The following FBXO8 variants were observed in gnomAD, a reference collection of about 807,000 sequenced individuals.
The protein encoded by FBXO8 is F-box only protein 8.
FBXO8 carries 15 observed loss-of-function variants against 33.4 expected under a neutral mutation model. The ratio of observed to expected loss-of-function variants is 0.45; its 90% CI spans 0.30 to 0.69. FBXO8 has a LOEUF of 0.69. Ranked by LOEUF, FBXO8 falls within the 30% of genes least tolerant of loss-of-function variation. The probability of loss-of-function intolerance (pLI) is 0.08; values close to 1 mark genes in which losing one functional copy is unlikely to be tolerated. For missense variants in FBXO8, 274 were observed against 380.3 expected (o/e 0.72, Z 2.32); for synonymous variants, 132 against 131.5 (o/e 1.00, Z -0.02).
rs1327934711 is a variant in FBXO8 at position 174,253,914 on chromosome 4, G to A, written c.456+5785C>T. ...ATATTTTGAGTTGTGGTAGCATCTT[G>A]CTATCAAGAGAGGGTGAAAGTCAAC... On this transcript the variant is annotated intron_variant, in intron 3 of 5. Coordinates refer to ENST00000393674, the MANE Select transcript of FBXO8 (RefSeq NM_012180.3). This position sits in a 1 kb window ranked among gnomAD's most constrained non-coding sequence, Gnocchi z 4.5. Among the ~76,000 whole-genome samples, 1 of 152,118 alleles carries A rather than the reference G, an allele frequency of 6.6e-6. No homozygotes were observed. The highest frequency in any genetic ancestry group is 2.4e-5 in the African/African-American group (1 of 41,426).
At position 174,283,652 on chromosome 4, in the gene FBXO8, G is replaced by C. The variant is rs1737207798; in HGVS notation, c.-251C>G. 2 of 379,698 alleles carry C rather than the reference G, an allele frequency of 5.3e-6. No homozygotes were observed. Among genetic ancestry groups the C allele is most frequent in the Non-Finnish European group, 9.3e-6 (2 of 214,854 alleles). The allele number at this position is 379,698 out of a possible 1,614,324, so 23.5% of individuals were successfully genotyped here. A position where few individuals can be genotyped will look rare whatever the true frequency, so the allele number is the denominator to read the frequency against. ...CAGAACTGCCGACTATCCCAATTTT[G>C]ACGTTTCCTATTGTTGCCGGAAGTG... On this transcript the variant is annotated 5_prime_UTR_variant, in exon 1 of 6. Transcript: ENST00000393674. This position sits in a 1 kb window ranked among gnomAD's most constrained non-coding sequence, Gnocchi z 6.7.
chr4:174,241,645 T>G lies in FBXO8; in HGVS notation c.457-427A>C, dbSNP rs1013528489. Among the ~76,000 whole-genome samples, 3 of 149,312 alleles carry G rather than the reference T, an allele frequency of 2.0e-5. No homozygotes were observed. On this transcript the variant is annotated intron_variant, in intron 3 of 5. Transcript: ENST00000393674. This position sits in a 1 kb window ranked among gnomAD's most constrained non-coding sequence, Gnocchi z 4.2. Reference sequence around the variant, plus strand: ...GCAGTATGCCTTTCAAGGAAAGAGCTTCTTGATAAAAAAATGCTCCAAATG... The same window carrying G: ...GCAGTATGCCTTTCAAGGAAAGAGCGTCTTGATAAAAAAATGCTCCAAATG...
In FBXO8 at chr4:174,253,275, C is replaced by G. The variant is rs2126426610; in HGVS notation, c.456+6424G>C. 6.6e-6 allele frequency among the ~76,000 whole-genome samples: 1 copy of G among 152,326 alleles called. No homozygotes were observed. The highest frequency in any genetic ancestry group is 1.9e-4 in the East Asian group (1 of 5,170). ...CACTAGAAGGAACCCCAAGACATCT[C>G]TTGAGTTCCACCTATATCCTTTTCT... On this transcript the variant is annotated intron_variant, in intron 3 of 5. Transcript: ENST00000393674. The surrounding 1 kb of genome is among the most constrained non-coding windows in gnomAD (Gnocchi z 4.5).
In FBXO8 at chr4:174,261,656, A is replaced by T. The variant is rs1305098810; in HGVS notation, c.329+1108T>A. Among the ~76,000 whole-genome samples the T allele has an allele frequency of 6.6e-6, 1 of 152,010 alleles. No homozygotes were observed. Among genetic ancestry groups the T allele is most frequent in the Non-Finnish European group, 1.5e-5 (1 of 67,900 alleles). On this transcript the variant is annotated intron_variant, in intron 2 of 5. Coordinates refer to ENST00000393674, the MANE Select transcript of FBXO8 (RefSeq NM_012180.3). This position sits in a 1 kb window ranked among gnomAD's most constrained non-coding sequence, Gnocchi z 4.1. Reference sequence around the variant, plus strand: ...GTACTTTCACTATGTCAAACAAATGAGTAAAAGAATAACAAGATATGATAT... The same window carrying T: ...GTACTTTCACTATGTCAAACAAATGTGTAAAAGAATAACAAGATATGATAT...
chr4:174,242,312 T>C (rs1459446922), intron 3 of FBXO8, among the ~76,000 whole-genome samples: 1 of 151,610 alleles, frequency 6.6e-6, no homozygotes, highest in Non-Finnish European at 1.5e-5. Flanking sequence ...AGAATATCTA[T>C]AAAAACCTTT....
chr4:174,271,904 T>C (rs1382241832), intron 1 of FBXO8, among the ~76,000 whole-genome samples: 1 of 152,198 alleles, frequency 6.6e-6, no homozygotes, highest in Non-Finnish European at 1.5e-5. Context: ...TTGGGGGATT[T>C]ACCTATAGGA....
In FBXO8 at chr4:174,259,337, C is replaced by G. The variant is rs555511759; in HGVS notation, c.456+362G>C. On this transcript the variant is annotated intron_variant, in intron 3 of 5. Transcript: ENST00000393674. This position sits in a 1 kb window ranked among gnomAD's most constrained non-coding sequence, Gnocchi z 4.3. ...AAGTAACATCACTACTAAGGAAAAA[C>G]AATAAACAGAAAAAAACTGCTGCAG... Among the ~76,000 whole-genome samples the G allele has an allele frequency of 2.0e-5, 3 of 151,898 alleles. No homozygotes were observed. Among genetic ancestry groups the G allele is most frequent in the Non-Finnish European group, 4.4e-5 (3 of 67,908 alleles).
At position 174,267,640 on chromosome 4, in the gene FBXO8, C is replaced by T. The variant is rs958242860; in HGVS notation, c.-8-4540G>A. Among the ~76,000 whole-genome samples, 2 of 152,088 alleles carry T rather than the reference C, an allele frequency of 1.3e-5. No homozygotes were observed. Among genetic ancestry groups the T allele is most frequent in the African/African-American group, 4.8e-5 (2 of 41,410 alleles). ...ATATGATGCAGTTTCATGCGGGGTT[C>T]GTCCATGATTTCAAACTCTTGAAAA... On this transcript the variant is annotated intron_variant, in intron 1 of 5. Coordinates refer to ENST00000393674, the MANE Select transcript of FBXO8 (RefSeq NM_012180.3). This position sits in a 1 kb window ranked among gnomAD's most constrained non-coding sequence, Gnocchi z 4.7.
rs769264673 is a variant in FBXO8, at chr4:174,278,658, T to C, written c.-9+4752A>G. Among the ~76,000 whole-genome samples the C allele has an allele frequency of 5.3e-5, 8 of 152,126 alleles. No individual in the cohort carries two copies. Among genetic ancestry groups the C allele is most frequent in the Non-Finnish European group, 1.2e-4 (8 of 67,956 alleles). ...TGGCTGTAATCAGCTGTAGTCATGG[T>C]AGCATATCCTAACCCACCTTCTCAG... On this transcript the variant is annotated intron_variant, in intron 1 of 5. Transcript: ENST00000393674. This position sits in a 1 kb window ranked among gnomAD's most constrained non-coding sequence, Gnocchi z 4.1.
At chr4:174,269,628 C>A (rs567466609) in intron 1 of FBXO8, among the ~76,000 whole-genome samples, 1 of 148,920 alleles carries the variant, frequency 6.7e-6, no homozygotes, top group Admixed American at 6.8e-5. Flanking sequence ...GAGGTTGCAC[C>A]GAGCCGAGAA....
rs769413153 is a variant in FBXO8 at position 174,256,114 on chromosome 4, C to A, written c.456+3585G>T. ...TGGTTACCCATATCCGTGACATGAA[C>A]GGTGTCCTTTGGAGAATCTTGTTCC... On this transcript the variant is annotated intron_variant, in intron 3 of 5. Coordinates refer to ENST00000393674, the MANE Select transcript of FBXO8 (RefSeq NM_012180.3). This position sits in a 1 kb window ranked among gnomAD's most constrained non-coding sequence, Gnocchi z 4.6. The A allele has an allele frequency of 3.7e-5, 17 of 456,124 alleles. No individual in the cohort carries two copies. Among genetic ancestry groups the A allele is most frequent in the Middle Eastern group, 6.5e-4 (2 of 3,074 alleles). 28.3% of individuals were successfully genotyped at this position (456,124 alleles called of 1,614,324 possible). A position where few individuals can be genotyped will look rare whatever the true frequency, so the allele number is the denominator to read the frequency against.
chr4:174,277,003 CT>C lies in FBXO8; in HGVS notation c.-9+6406del, dbSNP rs1736975663. On this transcript the variant is annotated intron_variant, in intron 1 of 5. Transcript: ENST00000393674. The surrounding 1 kb of genome is among the most constrained non-coding windows in gnomAD (Gnocchi z 4.9). ...AAGCAGTATGTAGTTTCTGAAACAG[CT>C]ATATTGTTCTGACATAATTTTGGAT... Among the ~76,000 whole-genome samples, 1 of 152,112 alleles carries C rather than the reference CT, an allele frequency of 6.6e-6. No individual in the cohort carries two copies. The highest frequency in any genetic ancestry group is 1.5e-5 in the Non-Finnish European group (1 of 68,006).
intron 3 of FBXO8, among the ~76,000 whole-genome samples, chr4:174,250,340 C>G (rs1736258171): frequency 6.6e-6 from 1 of 151,912 alleles, no homozygotes. Flanking sequence ...TATAATTCAA[C>G]CAAGGGAAAA....
Position 174,265,826 on chromosome 4 carries a change from AAAAGT to A in FBXO8, c.-8-2731_-8-2727del, listed in dbSNP as rs1267118157. Among the ~76,000 whole-genome samples, 1 of 152,190 alleles carries A rather than the reference AAAAGT, an allele frequency of 6.6e-6. No homozygotes were observed. The highest frequency in any genetic ancestry group is 1.5e-5 in the Non-Finnish European group (1 of 68,026). On this transcript the variant is annotated intron_variant, in intron 1 of 5. Coordinates refer to ENST00000393674, the MANE Select transcript of FBXO8 (RefSeq NM_012180.3). This position sits in a 1 kb window ranked among gnomAD's most constrained non-coding sequence, Gnocchi z 4.7. ...CATTTTAAGTCTACTAATCATAAAGAAAAGTATTTTATTTTCACCATTGCTATTCC... is the reference window on the plus strand; with the variant it reads ...CATTTTAAGTCTACTAATCATAAAGAATTTTATTTTCACCATTGCTATTCC...
chr4:174,237,671 G>A lies in FBXO8; in HGVS notation c.773-72C>T. ...TATGATTCCAATGGCATTATATAAG[G>A]CAAAAATGTTCATAATTTCAAGATA... On this transcript the variant is annotated intron_variant, in intron 5 of 5. Transcript: ENST00000393674. The surrounding 1 kb of genome is among the most constrained non-coding windows in gnomAD (Gnocchi z 4.4). 8.1e-7 allele frequency: 1 copy of A among 1,240,772 alleles called. No homozygotes were observed. The highest frequency in any genetic ancestry group is 1.5e-5 in the South Asian group (1 of 64,612). 76.9% of individuals were successfully genotyped at this position (1,240,772 alleles called of 1,614,324 possible).
At chr4:174,282,872 C>T (rs1022862103) in intron 1 of FBXO8, among the ~76,000 whole-genome samples, 1 of 152,094 alleles carries the variant, frequency 6.6e-6, no homozygotes, top group African/African-American at 2.4e-5. Flanking sequence ...TATTGAGAAC[C>T]TTCTACGTAA....
chr4:174,248,939 T>C (rs1450922606), intron 3 of FBXO8, among the ~76,000 whole-genome samples: 1 of 152,012 alleles, frequency 6.6e-6, no homozygotes, highest in Non-Finnish European at 1.5e-5. Context: ...TTCCCTCCAA[T>C]GGAGTCCAGG....
chr4:174,238,800 C>T (rs1735954143), intron 5 of FBXO8, among the ~76,000 whole-genome samples, 194 bp downstream of exon 5: 1 of 149,508 alleles, frequency 6.7e-6, no homozygotes, highest in Non-Finnish European at 1.5e-5. Context: ...CACACGCACA[C>T]CATAGCTATG....
In FBXO8 at chr4:174,247,952, C is replaced by T. The variant is rs1736197025; in HGVS notation, c.457-6734G>A. 6.6e-6 allele frequency among the ~76,000 whole-genome samples: 1 copy of T among 151,950 alleles called. No individual in the cohort carries two copies. Among genetic ancestry groups the T allele is most frequent in the Non-Finnish European group, 1.5e-5 (1 of 67,946 alleles). On this transcript the variant is annotated intron_variant, in intron 3 of 5. Transcript: ENST00000393674. This position sits in a 1 kb window ranked among gnomAD's most constrained non-coding sequence, Gnocchi z 4.6. The stretch of plus-strand genomic sequence containing the variant: ...TCCCTATTTAAGCAGAGAACATGTG[C>T]TCTATAGTTAAGGGAGGGTGGGCCT...
Sources: gnomAD v4.1 joint callset for allele counts (sites outside exome capture counted in the v4.1 genomes callset) on GRCh38, gnomAD v4.1.1 for gene constraint, Gnocchi (gnomAD v3.1) non-coding constraint, MANE v1.5 for transcripts, NCBI Gene and HGNC (gene_info 2026-07-23, HGNC 2026-07-21) for gene names.